The following SGCD variants were observed in gnomAD, a reference collection of about 807,000 sequenced individuals.
The protein encoded by SGCD is delta-sarcoglycan.
A neutral mutation model predicts 36.6 loss-of-function variants in SGCD; 18 were observed. The observed-to-expected ratio is 0.49, with a 90% CI of 0.34 to 0.73. The LOEUF (loss-of-function observed/expected upper bound fraction) is 0.73. Among genes scored for constraint, SGCD ranks in the 30% least tolerant of loss-of-function variants. The pLI, the probability that SGCD is intolerant of heterozygous loss-of-function variation, is 0.01. For missense variants in SGCD, 387 were observed against 346.7 expected, an observed-to-expected ratio of 1.12 and a Z score of -0.92; for synonymous variants, 133 against 130.6, an observed-to-expected ratio of 1.02 and a Z score of -0.12.
chr5:156,116,410 C>G (rs1002999495), intron 1 of SGCD, among the ~76,000 whole-genome samples: 3 of 152,038 alleles, frequency 2.0e-5, no homozygotes, highest in Non-Finnish European at 4.4e-5. Flanking sequence ...CTATTGACAT[C>G]CCCATGCCTA....
At chr5:155,841,934 C>A in the SGCD span, among the ~76,000 whole-genome samples, 2 of 152,046 alleles carry the variant, frequency 1.3e-5, no homozygotes, top group Non-Finnish European at 2.9e-5. Context: ...TGGGTCATGG[C>A]CCAACTAGAT....
chr5:156,399,347 A>G lies in SGCD; in HGVS notation c.192+54670A>G, dbSNP rs190318483. 1.3e-3 allele frequency among the ~76,000 whole-genome samples: 205 copies of G among 152,324 alleles called. 1 individual carries two copies. The highest frequency in any genetic ancestry group is 4.8e-3 in the African/African-American group (201 of 41,578). ...GGATTTTTGAATCCATTATAGCAGC[A>G]ATATTCTCTATAACCTGTTTTTCAA... On this transcript the variant is annotated intron_variant, in intron 3 of 8. Transcript: ENST00000337851.
chr5:155,870,866 C>T (rs778146136), intron 1 of SGCD, among the ~76,000 whole-genome samples: 13 of 152,128 alleles, frequency 8.5e-5, no homozygotes, highest in Admixed American at 4.6e-4. Context: ...GGTCACAACA[C>T]GCGATCGTTA....
rs141698241 is a variant in SGCD at position 155,878,433 on chromosome 5, A to G, written c.-282+8009A>G. 5.1e-3 allele frequency among the ~76,000 whole-genome samples: 769 copies of G among 151,736 alleles called. 11 individuals carry two copies. The highest frequency in any genetic ancestry group is 0.017 in the African/African-American group (710 of 41,394). ...GACCAATTAGAAAATGGGGACATCCAGTTTTTTTTTTCCTTTATTTAGAAT... is the reference window on the plus strand; with the variant it reads ...GACCAATTAGAAAATGGGGACATCCGGTTTTTTTTTTCCTTTATTTAGAAT... On this transcript the variant is annotated intron_variant, in intron 1 of 9. Transcript: ENST00000517913.
chr5:156,230,914 C>G (rs779627233), intron 3 of SGCD, among the ~76,000 whole-genome samples: 15 of 152,194 alleles, frequency 9.9e-5, no homozygotes, highest in Non-Finnish European at 2.1e-4. Flanking sequence ...CATTAGTATT[C>G]TTAATTATCA....
At chr5:156,539,322 T>G (rs560438358) in intron 4 of SGCD, among the ~76,000 whole-genome samples, 19 of 152,066 alleles carry the variant, frequency 1.2e-4, no homozygotes, top group African/African-American at 4.6e-4. Flanking sequence ...TGAATAAGTT[T>G]TTTAGTGGTG....
chr5:156,422,144 G>A (rs190579872), intron 3 of SGCD, among the ~76,000 whole-genome samples: 196 of 152,090 alleles, frequency 1.3e-3, no homozygotes, highest in South Asian at 7.3e-3. Context: ...TGCTTTTTGA[G>A]GGCTTAGCAC....
At chr5:156,595,194 T>G in intron 6 of SGCD, 143 bp downstream of exon 6, 1 of 1,012,528 alleles carries the variant, frequency 9.9e-7, no homozygotes, top group Non-Finnish European at 1.4e-6. Flanking sequence ...TATTAGGAGG[T>G]GGAGCCTTGA....
intron 3 of SGCD, among the ~76,000 whole-genome samples, chr5:156,377,656 G>A (rs1167409983): frequency 1.3e-5 from 2 of 152,056 alleles, no homozygotes; most frequent in African/African-American, 4.8e-5. Flanking sequence ...AGATGGGAAT[G>A]GTGTGTACTG....
intron 3 of SGCD, among the ~76,000 whole-genome samples, chr5:156,235,150 A>G (rs1159249649): frequency 1.3e-5 from 2 of 152,198 alleles, no homozygotes; most frequent in African/African-American, 2.4e-5. Flanking sequence ...TTTAATGAGG[A>G]GAAGGAACCA....
At chr5:156,425,085 A>G (rs964928283) in intron 3 of SGCD, among the ~76,000 whole-genome samples, 1 of 152,036 alleles carries the variant, frequency 6.6e-6, no homozygotes, top group Admixed American at 6.6e-5. Flanking sequence ...CCAACTTCCC[A>G]AACTCCAGCG....
chr5:156,240,455 C>A (rs1053489525), intron 3 of SGCD, among the ~76,000 whole-genome samples: 2 of 152,046 alleles, frequency 1.3e-5, no homozygotes, highest in Non-Finnish European at 2.9e-5. Context: ...TAAGCAGATG[C>A]ATGCAGTCTT....
At chr5:155,910,534 G>A (rs1756609304) in intron 1 of SGCD, among the ~76,000 whole-genome samples, 1 of 151,982 alleles carries the variant, frequency 6.6e-6, no homozygotes, top group Admixed American at 6.6e-5. Context: ...GTAACTTGGT[G>A]GTTGCACATC....
chr5:156,681,939 A>G (rs1459102924), intron 7 of SGCD, among the ~76,000 whole-genome samples: 3 of 152,258 alleles, frequency 2.0e-5, no homozygotes, highest in African/African-American at 7.2e-5. Flanking sequence ...GAAAGTGAAA[A>G]TATAATCTCA....
chr5:155,854,192 C>A, the SGCD span, among the ~76,000 whole-genome samples: 1 of 152,002 alleles, frequency 6.6e-6, no homozygotes, highest in Non-Finnish European at 1.5e-5. Flanking sequence ...CTGTTCTGTG[C>A]TTTTTAGGGT....
chr5:156,455,298 C>T (rs1754205564), intron 3 of SGCD, among the ~76,000 whole-genome samples: 1 of 152,126 alleles, frequency 6.6e-6, no homozygotes, highest in African/African-American at 2.4e-5. Context: ...ACGCAGGGTC[C>T]CTGGCTACTT....
chr5:155,905,724 T>C (rs937236924), intron 1 of SGCD, among the ~76,000 whole-genome samples: 2 of 152,138 alleles, frequency 1.3e-5, no homozygotes, highest in African/African-American at 2.4e-5. Context: ...TCCTGTATTA[T>C]TCTCGTGATA....
chr5:155,864,023 G>T, the SGCD span, among the ~76,000 whole-genome samples: 1 of 152,170 alleles, frequency 6.6e-6, no homozygotes, highest in Non-Finnish European at 1.5e-5. Context: ...TGGGAGGCTG[G>T]TTGTTTGTGT....
At chr5:156,367,363 A>G (rs912353930) in intron 3 of SGCD, among the ~76,000 whole-genome samples, 1 of 151,480 alleles carries the variant, frequency 6.6e-6, no homozygotes, top group Non-Finnish European at 1.5e-5. Flanking sequence ...TAAAATGTGG[A>G]TTGAATTTTT....
Sources: gnomAD v4.1 joint callset for allele counts (sites outside exome capture counted in the v4.1 genomes callset) on GRCh38, gnomAD v4.1.1 for gene constraint, MANE v1.5 for transcripts, NCBI Gene and HGNC (gene_info 2026-07-23, HGNC 2026-07-21) for gene names.